Variants in SGCZ observed in about 807,000 individuals in gnomAD.
SGCZ encodes sarcoglycan zeta.
A neutral mutation model predicts 41.3 loss-of-function variants in SGCZ; 40 were observed. The ratio of observed to expected loss-of-function variants is 0.97; its 90% CI spans 0.75 to 1.26. The LOEUF is 1.26. SGCZ is among the 50% of genes most tolerant of loss of function. SGCZ has a pLI of 0.00. For missense variants in SGCZ, 552 were observed against 369.8 expected (o/e 1.49, Z -4.04); for synonymous variants, 206 against 137.5 (o/e 1.50, Z -3.49).
rs542364339 is a variant in SGCZ, at chr8:14,574,352, A to G, written c.40-19426T>C. ...GAATTCCTTTTCCTCAAAGTGGTTC[A>G]TAGAAACCAGAATCACTTTCCCTAA... On this transcript the variant is annotated intron_variant, in intron 1 of 7. Transcript: ENST00000382080. 3.3e-4 allele frequency among the ~76,000 whole-genome samples: 50 copies of G among 149,684 alleles called. 1 individual carries two copies. The highest frequency in any genetic ancestry group is 1.2e-3 in the African/African-American group (48 of 41,366).
intron 2 of SGCZ, among the ~76,000 whole-genome samples, chr8:14,505,622 C>G (rs1802282766): frequency 6.6e-6 from 1 of 152,070 alleles, no homozygotes; most frequent in African/African-American, 2.4e-5. Flanking sequence ...ATATGTATAT[C>G]TCTCTTCATC....
intron 1 of SGCZ, among the ~76,000 whole-genome samples, chr8:14,662,065 T>G (rs1453765194): frequency 6.6e-6 from 1 of 152,126 alleles, no homozygotes; most frequent in Non-Finnish European, 1.5e-5. Context: ...AAAAATCCTT[T>G]CATATATCTT....
At chr8:15,113,706 A>G (rs1020467538) in intron 1 of SGCZ, among the ~76,000 whole-genome samples, 9 of 152,314 alleles carry the variant, frequency 5.9e-5, no homozygotes, top group African/African-American at 1.7e-4. Context: ...TCATTGCATG[A>G]AATTATGCAA....
intron 1 of SGCZ, among the ~76,000 whole-genome samples, chr8:15,202,395 A>G (rs1383188746): frequency 6.6e-6 from 1 of 152,232 alleles, no homozygotes. Flanking sequence ...AAGGTAACTC[A>G]GGAATGGAAA....
At chr8:14,213,372 T>C (rs923280877) in intron 4 of SGCZ, among the ~76,000 whole-genome samples, 2 of 152,048 alleles carry the variant, frequency 1.3e-5, no homozygotes, top group African/African-American at 2.4e-5. Context: ...TCAGAAACCA[T>C]GGAGACCAGA....
intron 3 of SGCZ, among the ~76,000 whole-genome samples, chr8:14,238,519 T>C (rs1806849633): frequency 6.6e-6 from 1 of 152,204 alleles, no homozygotes; most frequent in South Asian, 2.1e-4. Flanking sequence ...TTGACTTTTA[T>C]TAGTAATTTA....
chr8:14,212,142 T>C (rs962129993), intron 4 of SGCZ, among the ~76,000 whole-genome samples: 2 of 152,024 alleles, frequency 1.3e-5, no homozygotes, highest in African/African-American at 4.8e-5. Flanking sequence ...GCCATTCACA[T>C]TGTAGTAAGG....
chr8:14,619,283 T>A (rs1023351479), intron 1 of SGCZ, among the ~76,000 whole-genome samples: 6 of 151,946 alleles, frequency 3.9e-5, no homozygotes, highest in African/African-American at 1.4e-4. Flanking sequence ...ATTGATGGGA[T>A]GTATCTCAAA....
intron 1 of SGCZ, among the ~76,000 whole-genome samples, chr8:14,738,496 C>T (rs2130268039): frequency 6.6e-6 from 1 of 152,178 alleles, no homozygotes; most frequent in East Asian, 1.9e-4. Flanking sequence ...GACTAATTAA[C>T]TAATAACCCT....
chr8:14,227,656 G>A (rs1018511783), intron 4 of SGCZ, among the ~76,000 whole-genome samples: 3 of 152,048 alleles, frequency 2.0e-5, no homozygotes. Flanking sequence ...TAAGAAATCT[G>A]AAGAGATTTG....
chr8:14,977,956 A>G (rs933036249), intron 1 of SGCZ, among the ~76,000 whole-genome samples: 5 of 151,864 alleles, frequency 3.3e-5, no homozygotes, highest in South Asian at 4.1e-4. Flanking sequence ...ATTTTTTTCA[A>G]ATGCATAAAT....
intron 1 of SGCZ, among the ~76,000 whole-genome samples, chr8:14,790,193 C>A (rs1383373420): frequency 6.6e-6 from 1 of 152,112 alleles, no homozygotes; most frequent in Admixed American, 6.6e-5. Flanking sequence ...AAAGTGGTTT[C>A]AAGTCTGTCC....
At chr8:14,175,331 C>T (rs907259284) in intron 4 of SGCZ, among the ~76,000 whole-genome samples, 2 of 151,926 alleles carry the variant, frequency 1.3e-5, no homozygotes, top group African/African-American at 4.8e-5. Context: ...GCTCAAAAAT[C>T]AGAGACATGG....
chr8:14,300,764 T>C (rs1278502437), intron 3 of SGCZ, among the ~76,000 whole-genome samples: 4 of 152,014 alleles, frequency 2.6e-5, no homozygotes, highest in Non-Finnish European at 5.9e-5. Flanking sequence ...GCCATACGTA[T>C]GTCTTCTTTT....
chr8:14,682,661 C>G (rs966077684), intron 1 of SGCZ, among the ~76,000 whole-genome samples: 3 of 152,140 alleles, frequency 2.0e-5, no homozygotes, highest in Admixed American at 2.0e-4. Context: ...GTCTCGATCT[C>G]CTGACCTTGT....
At chr8:14,720,280 G>A (rs961627407) in intron 1 of SGCZ, among the ~76,000 whole-genome samples, 3 of 151,764 alleles carry the variant, frequency 2.0e-5, no homozygotes, top group Admixed American at 1.3e-4. Flanking sequence ...AAAATTCACA[G>A]TTTGCTTCTC....
At chr8:14,256,756 A>G (rs1799480266) in intron 3 of SGCZ, among the ~76,000 whole-genome samples, 1 of 152,162 alleles carries the variant, frequency 6.6e-6, no homozygotes, top group African/African-American at 2.4e-5. Context: ...AATTACATGA[A>G]TCTATCCACA....
intron 1 of SGCZ, among the ~76,000 whole-genome samples, chr8:15,024,479 G>C (rs1803372195): frequency 6.6e-6 from 1 of 152,092 alleles, no homozygotes; most frequent in Admixed American, 6.5e-5. Context: ...GTTCTGTAGA[G>C]TTATACTCTC....
At position 14,085,342 on chromosome 8, in the gene SGCZ, T is replaced by C. The variant is rs1232958213; in HGVS notation, c.*5101A>G. ...ATAGTGGACCTGATTTAAAGAATTG[T>C]ATAAATAACGAGACACTCAAACTCC... On this transcript the variant is annotated 3_prime_UTR_variant, in exon 8 of 8. Coordinates refer to ENST00000382080, the MANE Select transcript of SGCZ (RefSeq NM_139167.4). Among the ~76,000 whole-genome samples the C allele has an allele frequency of 6.6e-6, 1 of 151,808 alleles. No homozygotes were observed. The highest frequency in any genetic ancestry group is 2.4e-5 in the African/African-American group (1 of 41,410).
Sources: gnomAD v4.1 joint callset for allele counts (sites outside exome capture counted in the v4.1 genomes callset) on GRCh38, gnomAD v4.1.1 for gene constraint, MANE v1.5 for transcripts, NCBI Gene and HGNC (gene_info 2026-07-23, HGNC 2026-07-21) for gene names.